The following IGSF9B variants were observed in gnomAD, a reference collection of about 807,000 sequenced individuals.
IGSF9B encodes immunoglobulin superfamily member 9B.
Under a neutral mutation model 143.7 loss-of-function variants are expected in IGSF9B, and 48 were observed. The ratio of observed to expected loss-of-function variants is 0.33; its 90% CI spans 0.26 to 0.42. IGSF9B has a LOEUF of 0.42. Ranked by LOEUF, IGSF9B falls within the 20% of genes least tolerant of loss-of-function variation. IGSF9B has a pLI of 1.00. For synonymous variants in IGSF9B, 903 were observed against 833.1 expected (o/e 1.08, Z -1.44); for missense variants, 1,706 against 1,980.0 (o/e 0.86, Z 2.63).
chr11:133,920,250 C>T lies in IGSF9B; in HGVS notation c.3475G>A (p.Gly1159Ser). ...YPEPAEPGAH[G>S]GPSTFGLDTR... Reference sequence around the variant, plus strand: ...TCCAGGCCAAATGTGCTGGGGCCGCCGTGCGCCCCCGGCTCAGCCGGCTCG... The same window carrying T: ...TCCAGGCCAAATGTGCTGGGGCCGCTGTGCGCCCCCGGCTCAGCCGGCTCG... The change falls in exon 18 of 20, where the codon GGC becomes AGC. Residue 1159 changes from glycine to serine, a missense_variant. Transcript: ENST00000533871. 2.0e-6 allele frequency: 3 copies of T among 1,516,828 alleles called. No individual in the cohort carries two copies. The highest frequency in any genetic ancestry group is 2.6e-5 in the South Asian group (2 of 75,936). The allele number at this position is 1,516,828 out of a possible 1,614,324, so 94.0% of individuals were successfully genotyped here.
chr11:133,941,968 T>C (rs1018937333), intron 3 of IGSF9B, among the ~76,000 whole-genome samples: 16 of 152,204 alleles, frequency 1.1e-4, no homozygotes, highest in South Asian at 2.1e-4. Flanking sequence ...TGACAGTCTC[T>C]TGAAGTCTCC....
rs572720875 is a variant in IGSF9B, at chr11:133,906,058, G to C, written c.*3011C>G. Among the ~76,000 whole-genome samples, 2 of 152,334 alleles carry C rather than the reference G, an allele frequency of 1.3e-5. No individual in the cohort carries two copies. Among genetic ancestry groups the C allele is most frequent in the South Asian group, 4.1e-4 (2 of 4,828 alleles). ...ACAGAAGCAGGTTTACATCTGAGTC[G>C]TGTCTACTGCAAGGCCGCCAGACCG... On this transcript the variant is annotated 3_prime_UTR_variant, in exon 20 of 20. Coordinates refer to ENST00000533871, the MANE Select transcript of IGSF9B (RefSeq NM_001277285.4).
chr11:133,926,984 A>T lies in IGSF9B; in HGVS notation c.1739T>A (p.Phe580Tyr). The change falls in exon 13 of 20, where the codon TTC becomes TAC. Residue 580 changes from phenylalanine (F) to tyrosine (Y), a missense_variant. Phe to Tyr is a conservative substitution (Grantham distance 22). Around this residue, in one of 7 missense-constraint regions of IGSF9B, gnomAD observed 267 missense variants for 321.1 expected, o/e 0.83. Coordinates refer to ENST00000533871, the MANE Select transcript of IGSF9B (RefSeq NM_001277285.4). ...DTLEPETAYQ[F>Y]SVLAQNKLGT... is the part of the protein sequence containing the mutation. ...CAGCTTGTTCTGGGCCAGGACGCTGAACTGGTACGCTGTCTCAGGCTCCAG... is the reference window on the plus strand; with the variant it reads ...CAGCTTGTTCTGGGCCAGGACGCTGTACTGGTACGCTGTCTCAGGCTCCAG... 6.3e-7 allele frequency: 1 copy of T among 1,591,836 alleles called. No homozygotes were observed. The highest frequency in any genetic ancestry group is 1.2e-5 in the South Asian group (1 of 86,872).
rs1022720814 is a variant in IGSF9B at position 133,907,730 on chromosome 11, G to A, written c.*1339C>T. Reference sequence around the variant, plus strand: ...CCAGACCCTACTCACCACCCCTCCCGCCTTCATTCCTACGCCTCAGCCACA... The same window carrying A: ...CCAGACCCTACTCACCACCCCTCCCACCTTCATTCCTACGCCTCAGCCACA... On this transcript the variant is annotated 3_prime_UTR_variant, in exon 20 of 20. Transcript: ENST00000533871. Among the ~76,000 whole-genome samples, 3 of 152,114 alleles carry A rather than the reference G, an allele frequency of 2.0e-5. No individual in the cohort carries two copies. Among genetic ancestry groups the A allele is most frequent in the Non-Finnish European group, 4.4e-5 (3 of 68,016 alleles).
chr11:133,905,127 C>T lies in IGSF9B; in HGVS notation c.*3942G>A, dbSNP rs1403961147. ...GCTCCCCAGCCATCCCTGCAGTGCCCCCAAAGCTCCTTTACATGCAAGCAA... is the reference window on the plus strand; with the variant it reads ...GCTCCCCAGCCATCCCTGCAGTGCCTCCAAAGCTCCTTTACATGCAAGCAA... On this transcript the variant is annotated 3_prime_UTR_variant, in exon 20 of 20. Transcript: ENST00000533871. This position sits in a 1 kb window ranked among gnomAD's most constrained non-coding sequence, Gnocchi z 4.0. Among the ~76,000 whole-genome samples, 5 of 151,920 alleles carry T rather than the reference C, an allele frequency of 3.3e-5. No homozygotes were observed. The highest frequency in any genetic ancestry group is 3.3e-4 in the Admixed American group (5 of 15,216).
intron 4 of IGSF9B, 28 bp downstream of exon 4, chr11:133,937,782 A>G (rs1356555064): frequency 6.2e-7 from 1 of 1,601,384 alleles, no homozygotes. Context: ...AAGAGACCGC[A>G]GCGGCCCCAA....
chr11:133,938,124 T>C, intron 3 of IGSF9B, 163 bp from the exon 4 acceptor site: 1 of 727,408 alleles, frequency 1.4e-6, no homozygotes, highest in Non-Finnish European at 2.2e-6. Flanking sequence ...CCAACATCAC[T>C]GGCAGGGAGA....
intron 18 of IGSF9B, 86 bp downstream of exon 18, chr11:133,919,656 C>T (rs1053772904): frequency 2.3e-6 from 2 of 875,094 alleles, no homozygotes; most frequent in African/African-American, 1.7e-5. Context: ...TGTCGCCGGG[C>T]GGATGGACGG....
Position 133,899,415 on chromosome 11 carries a change from G to A in IGSF9B, c.*9654C>T, listed in dbSNP as rs1413928534. ...ACACCCAACCTTACCTCATCTTGCTGAGCAGTGGAGCAGAAAGGTCACAGG... is the reference window on the plus strand; with the variant it reads ...ACACCCAACCTTACCTCATCTTGCTAAGCAGTGGAGCAGAAAGGTCACAGG... On this transcript the variant is annotated 3_prime_UTR_variant, in exon 20 of 20. Transcript: ENST00000533871. 2 of 152,422 alleles carry A rather than the reference G, an allele frequency of 1.3e-5. No individual in the cohort carries two copies. The highest frequency in any genetic ancestry group is 4.8e-5 in the African/African-American group (2 of 41,478). 9.4% of individuals were successfully genotyped at this position (152,422 alleles called of 1,614,324 possible).
intron 18 of IGSF9B, among the ~76,000 whole-genome samples, chr11:133,918,084 G>C (rs989610736): frequency 1.3e-5 from 2 of 151,786 alleles, no homozygotes; most frequent in East Asian, 3.9e-4. Flanking sequence ...AGGCGGTGCC[G>C]AGCGTGGCTC....
Position 133,928,604 on chromosome 11 carries a change from C to A in IGSF9B, c.1631+1067G>T, listed in dbSNP as rs1939670780. 6.6e-6 allele frequency among the ~76,000 whole-genome samples: 1 copy of A among 152,256 alleles called. No homozygotes were observed. The highest frequency in any genetic ancestry group is 2.1e-4 in the South Asian group (1 of 4,812). ...CAGGTGAGACAGGTCTAAAAGAAGG[C>A]ACTGAGGGGCTCGCCCTCCCAGCTC... On this transcript the variant is annotated intron_variant, in intron 12 of 19. Coordinates refer to ENST00000533871, the MANE Select transcript of IGSF9B (RefSeq NM_001277285.4). This position sits in a 1 kb window ranked among gnomAD's most constrained non-coding sequence, Gnocchi z 4.7.
In IGSF9B at chr11:133,901,390, C is replaced by T. The variant is rs954806881; in HGVS notation, c.*7679G>A. The T allele has an allele frequency of 4.6e-5, 7 of 152,110 alleles. No individual in the cohort carries two copies. The highest frequency in any genetic ancestry group is 1.4e-4 in the African/African-American group (6 of 41,394). 9.4% of individuals were successfully genotyped at this position (152,110 alleles called of 1,614,324 possible). A position where few individuals can be genotyped will look rare whatever the true frequency, so the allele number is the denominator to read the frequency against. ...GGTACAAAAATAAAGCAAACTATGA[C>T]TTCATATAGATATAGAGATATATAG... On this transcript the variant is annotated 3_prime_UTR_variant, in exon 20 of 20. Coordinates refer to ENST00000533871, the MANE Select transcript of IGSF9B (RefSeq NM_001277285.4).
At chr11:133,922,134 CT>C (rs752741798) in intron 17 of IGSF9B, 42 bp downstream of exon 17, 16 of 1,582,702 alleles carry the variant, frequency 1.0e-5, no homozygotes, top group East Asian at 4.5e-5. Flanking sequence ...TATGCGCCCC[CT>C]GCCATGAACA....
Position 133,924,726 on chromosome 11 carries a change from TCTC to T in IGSF9B, c.2119+91_2119+93del, listed in dbSNP as rs1246349034. ...CACTGCCTTAGTTTCCAATCCAGCT[TCTC>T]CTCGTGGAGTAGCCATTTCACAAAA... On this transcript the variant is annotated intron_variant, in intron 15 of 19. Transcript: ENST00000533871. 26 of 1,026,030 alleles carry T rather than the reference TCTC, an allele frequency of 2.5e-5. No individual in the cohort carries two copies. The East Asian group carries it at 6.0e-4, about 24-fold the overall frequency. The allele number at this position is 1,026,030 out of a possible 1,614,324, so 63.6% of individuals were successfully genotyped here. A position where few individuals can be genotyped will look rare whatever the true frequency, so the allele number is the denominator to read the frequency against.
In IGSF9B at chr11:133,936,127, G is replaced by T; in HGVS notation, c.747C>A (p.Thr249=). The part of the protein sequence containing the change: ...TVNISQDALL[T]CRAEAYPGNL... ...TGCCCGGATACGCCTCTGCCCGGCA[G>T]GTGAGCAGAGCATCCTGGGAGATGT... The change falls in exon 6 of 20, where the codon ACC becomes ACA. Residue 249 remains threonine, a synonymous_variant. Transcript: ENST00000533871. 6.2e-7 allele frequency: 1 copy of T among 1,613,208 alleles called. No homozygotes were observed. The highest frequency in any genetic ancestry group is 2.2e-5 in the East Asian group (1 of 44,884).
chr11:133,942,483 T>C (rs1939969959), intron 3 of IGSF9B, among the ~76,000 whole-genome samples: 1 of 152,154 alleles, frequency 6.6e-6, no homozygotes, highest in African/African-American at 2.4e-5. Flanking sequence ...CTCCAGAACA[T>C]AAAATTGAAG....
At position 133,931,391 on chromosome 11, in the gene IGSF9B, G is replaced by A; in HGVS notation, c.1368+62C>T. The A allele has an allele frequency of 1.6e-6, 2 of 1,253,540 alleles. No homozygotes were observed. Among genetic ancestry groups the A allele is most frequent in the Non-Finnish European group, 2.3e-6 (2 of 876,160 alleles). The allele number at this position is 1,253,540 out of a possible 1,614,324, so 77.7% of individuals were successfully genotyped here. ...CGCTGGGCCCTCAAACCTCCCCGCA[G>A]CCCCAGGGCTCCCTGGGCCCTCACA... On this transcript the variant is annotated intron_variant, in intron 10 of 19. Coordinates refer to ENST00000533871, the MANE Select transcript of IGSF9B (RefSeq NM_001277285.4). This position sits in a 1 kb window ranked among gnomAD's most constrained non-coding sequence, Gnocchi z 7.7.
intron 1 of IGSF9B, among the ~76,000 whole-genome samples, chr11:133,955,964 C>A (rs1940245048): frequency 6.6e-6 from 1 of 152,082 alleles, no homozygotes; most frequent in Non-Finnish European, 1.5e-5. Context: ...GCGTGGGGCC[C>A]GCGCGGCTGC....
chr11:133,945,637 G>A lies in IGSF9B; in HGVS notation c.262+424C>T, dbSNP rs1021556463. ...AGGCAGACACCAGGCACCTGCAAAC[G>A]GTGGGAGGCCAAAGATTCATCCATA... On this transcript the variant is annotated intron_variant, in intron 2 of 19. Coordinates refer to ENST00000533871, the MANE Select transcript of IGSF9B (RefSeq NM_001277285.4). This position sits in a 1 kb window ranked among gnomAD's most constrained non-coding sequence, Gnocchi z 4.6. Among the ~76,000 whole-genome samples, 6 of 152,140 alleles carry A rather than the reference G, an allele frequency of 3.9e-5. No homozygotes were observed. The highest frequency in any genetic ancestry group is 2.1e-4 in the South Asian group (1 of 4,828).
Sources: allele counts gnomAD v4.1 joint callset (sites outside exome capture counted in the v4.1 genomes callset), GRCh38; gene constraint gnomAD v4.1.1; regional missense constraint gnomAD v4.1.1; non-coding constraint Gnocchi (gnomAD v3.1); transcripts MANE v1.5; gene names NCBI Gene and HGNC (gene_info 2026-07-23, HGNC 2026-07-21).